MICAL2: variants seen among roughly 807,000 people sequenced by gnomAD.
MICAL2 encodes [F-actin]-monooxygenase MICAL2.
A neutral mutation model predicts 127.3 loss-of-function variants in MICAL2; 77 were observed. The observed-to-expected ratio is 0.60, with a 90% CI of 0.50 to 0.73. The LOEUF is 0.73. Ranked by LOEUF, MICAL2 falls within the 30% of genes least tolerant of loss-of-function variation. The pLI is 0.00. For synonymous variants in MICAL2, 570 were observed against 551.1 expected (o/e 1.03, Z -0.48); for missense variants, 1,351 against 1,434.4 (o/e 0.94, Z 0.94).
intron 2 of MICAL2, among the ~76,000 whole-genome samples, chr11:12,142,447 A>C (rs1852443063): frequency 6.6e-6 from 1 of 152,206 alleles, no homozygotes; most frequent in South Asian, 2.1e-4. Context: ...AATCAAAATC[A>C]TATGAGCGTT....
At chr11:12,354,635 A>G in intron 33 of MICAL2, 1 of 652,728 alleles carries the variant, frequency 1.5e-6, no homozygotes, top group South Asian at 2.3e-5. Flanking sequence ...TCTCAGAAAA[A>G]TAATAATTAC....
intron 3 of MICAL2, among the ~76,000 whole-genome samples, chr11:12,192,586 T>C (rs1377476157): frequency 6.6e-6 from 1 of 152,158 alleles, no homozygotes; most frequent in African/African-American, 2.4e-5. Context: ...GAGACCAGCC[T>C]GGCCAACATG....
At chr11:12,242,190 A>G in intron 18 of MICAL2, 24 bp from the exon 19 acceptor site, 1 of 1,575,084 alleles carries the variant, frequency 6.3e-7, no homozygotes, top group Non-Finnish European at 8.7e-7. Flanking sequence ...TAGGGAAGGA[A>G]GCTTAATTTT....
At chr11:12,244,977 G>A (rs1264438721) in intron 21 of MICAL2, among the ~76,000 whole-genome samples, 3 of 152,214 alleles carry the variant, frequency 2.0e-5, no homozygotes, top group Non-Finnish European at 2.9e-5. Context: ...AGAGTGGGGA[G>A]CTAACTTTGG....
intron 3 of MICAL2, among the ~76,000 whole-genome samples, chr11:12,189,294 T>A (rs985876874): frequency 6.6e-6 from 1 of 151,842 alleles, no homozygotes; most frequent in Admixed American, 6.6e-5. Context: ...AACCTTGATG[T>A]TTTTTTTGTT....
At chr11:12,290,514 A>AGGAATTTGGCC (rs896093094), downstream of MICAL2, among the ~76,000 whole-genome samples, 6 of 46,672 alleles carry the variant, frequency 1.3e-4, no homozygotes, top group African/African-American at 1.2e-3. Flanking sequence ...GAAGGGAAGA[A>AGGAATTTGGCC]GGAATTTGGC....
chr11:12,345,116 C>CAAAAAAAAAAAAAAAAAAAAAAAAAA (rs796748173), intron 32 of MICAL2, among the ~76,000 whole-genome samples: 1 of 110,542 alleles, frequency 9.0e-6, no homozygotes, highest in African/African-American at 3.5e-5. Context: ...GAATCCATCT[C>CAAAAAAAAAAAAAAAAAAAAAAAAAA]AAAAAAAAAA....
chr11:12,249,904 G>C (rs1330980910), intron 22 of MICAL2: 1 of 152,280 alleles, frequency 6.6e-6, no homozygotes, highest in Non-Finnish European at 1.5e-5. Context: ...CAGGAATGTC[G>C]AGGTGAATAA....
chr11:12,179,927 C>A (rs1170023776), intron 3 of MICAL2, among the ~76,000 whole-genome samples: 7 of 152,244 alleles, frequency 4.6e-5, no homozygotes. Context: ...TCAGCCCCTT[C>A]CCTTTAAGCA....
chr11:12,300,594 A>G (rs926786362), intron 29 of MICAL2, among the ~76,000 whole-genome samples: 3 of 152,192 alleles, frequency 2.0e-5, no homozygotes, highest in Non-Finnish European at 4.4e-5. Context: ...AGAGGCCTCT[A>G]GGAGCTGAGA....
chr11:12,202,161 ACT>A (rs1202235912), intron 3 of MICAL2, among the ~76,000 whole-genome samples: 4 of 151,170 alleles, frequency 2.6e-5, no homozygotes, highest in African/African-American at 9.7e-5. Flanking sequence ...CTGCAGACCA[ACT>A]CTCATCTCTT....
chr11:12,246,263 G>A (rs1860728780), intron 21 of MICAL2, among the ~76,000 whole-genome samples: 1 of 152,250 alleles, frequency 6.6e-6, no homozygotes, highest in South Asian at 2.1e-4. Flanking sequence ...CATCACACCG[G>A]CTGAGGCCCT....
At chr11:12,126,118 G>A (rs1235341712) in intron 1 of MICAL2, among the ~76,000 whole-genome samples, 1 of 152,240 alleles carries the variant, frequency 6.6e-6, no homozygotes, top group African/African-American at 2.4e-5. Flanking sequence ...AGTAAACAGG[G>A]CCTCTCCCTC....
intron 3 of MICAL2, among the ~76,000 whole-genome samples, chr11:12,176,554 T>G (rs1432398752): frequency 6.6e-6 from 1 of 152,216 alleles, no homozygotes; most frequent in Admixed American, 6.5e-5. Flanking sequence ...TACATTTTTG[T>G]GCAGCCATCA....
intron 9 of MICAL2, among the ~76,000 whole-genome samples, chr11:12,220,742 A>G (rs1856722839): frequency 6.6e-6 from 1 of 152,240 alleles, no homozygotes; most frequent in Admixed American, 6.5e-5. Context: ...GGTCTGGGCC[A>G]TATGAGCCAT....
rs752514412 is a variant in MICAL2 at position 12,262,552 on chromosome 11, T to G, written c.*17+15T>G. 1 of 1,605,416 alleles carries G rather than the reference T, an allele frequency of 6.2e-7. No individual in the cohort carries two copies. Among genetic ancestry groups the G allele is most frequent in the Non-Finnish European group, 8.5e-7 (1 of 1,172,312 alleles). On this transcript the variant is annotated intron_variant, in intron 27 of 27. Transcript: ENST00000683283. ...TCTGCTCTAAGGTGACTGGTTTTCT[T>G]GCCAATTTTCAAAGAGTGGTACTAA...
intron 15 of MICAL2, among the ~76,000 whole-genome samples, chr11:12,233,127 G>A (rs1269569444): frequency 6.6e-6 from 1 of 152,210 alleles, no homozygotes; most frequent in South Asian, 2.1e-4. Flanking sequence ...ATCTGCCATG[G>A]ATGAGGGGAG....
At chr11:12,294,299 G>A (rs1863945347), downstream of MICAL2, 2 of 1,614,060 alleles carry the variant, frequency 1.2e-6, no homozygotes, top group South Asian at 1.1e-5. Context: ...CAACTCTGAA[G>A]GCGGGAAGAA....
At chr11:12,190,235 G>A (rs1216991281) in intron 3 of MICAL2, among the ~76,000 whole-genome samples, 1 of 152,160 alleles carries the variant, frequency 6.6e-6, no homozygotes, top group African/African-American at 2.4e-5. Context: ...AGGCCTCAAA[G>A]TTCCTCTGGT....
Sources: allele counts gnomAD v4.1 joint callset (sites outside exome capture counted in the v4.1 genomes callset), GRCh38; gene constraint gnomAD v4.1.1; transcripts MANE v1.5; gene names NCBI Gene and HGNC (gene_info 2026-07-23, HGNC 2026-07-21).